ANKS1B: variants seen among roughly 807,000 people sequenced by gnomAD.
The protein encoded by ANKS1B is ankyrin repeat and sterile alpha motif domain-containing protein 1B.
Under a neutral mutation model 148.3 loss-of-function variants are expected in ANKS1B, and 36 were observed. The observed-to-expected ratio is 0.24, with a 90% CI of 0.19 to 0.32. ANKS1B has a LOEUF of 0.32. Among genes scored for constraint, ANKS1B ranks in the 10% least tolerant of loss-of-function variants. The pLI is 1.00. For missense variants in ANKS1B, 1,157 were observed against 1,542.6 expected (o/e 0.75, Z 4.19); for synonymous variants, 542 against 560.8 (o/e 0.97, Z 0.47).
At position 98,795,176 on chromosome 12, in the gene ANKS1B, T is replaced by G. The variant is rs543496169; in HGVS notation, c.3342+3758A>C. ...AATTCATGGCTAGTGATGTATAAAATAAAATATTCTTTGCAGTAAAATATT... is the reference window on the plus strand; with the variant it reads ...AATTCATGGCTAGTGATGTATAAAAGAAAATATTCTTTGCAGTAAAATATT... On this transcript the variant is annotated intron_variant, in intron 22 of 26. Transcript: ENST00000683438. Among the ~76,000 whole-genome samples, 3 of 152,346 alleles carry G rather than the reference T, an allele frequency of 2.0e-5. No individual in the cohort carries two copies. The South Asian group carries it at 6.2e-4, about 32-fold the overall frequency.
At chr12:99,863,929 C>T (rs554250378) in intron 1 of ANKS1B, among the ~76,000 whole-genome samples, 3 of 151,804 alleles carry the variant, frequency 2.0e-5, no homozygotes, top group East Asian at 1.9e-4. Flanking sequence ...ATTAGCTGGG[C>T]GTGGTGGCAC....
chr12:99,552,858 A>T (rs1317187306), intron 9 of ANKS1B, among the ~76,000 whole-genome samples: 1 of 152,188 alleles, frequency 6.6e-6, no homozygotes, highest in Non-Finnish European at 1.5e-5. Context: ...TACAATGTAA[A>T]TGCCATGTAA....
intron 15 of ANKS1B, among the ~76,000 whole-genome samples, chr12:99,132,461 C>G (rs774127554): frequency 6.7e-6 from 1 of 149,786 alleles, no homozygotes; most frequent in Admixed American, 6.7e-5. Context: ...GACAACATAG[C>G]GAGACCTTGT....
intron 14 of ANKS1B, among the ~76,000 whole-genome samples, chr12:99,159,396 A>G (rs2076407341): frequency 6.6e-6 from 1 of 152,132 alleles, no homozygotes; most frequent in Non-Finnish European, 1.5e-5. Context: ...CTACTCCAGT[A>G]GTCCCCACTT....
chr12:99,571,999 C>T (rs942561800), intron 9 of ANKS1B, among the ~76,000 whole-genome samples: 16 of 151,928 alleles, frequency 1.1e-4, no homozygotes, highest in African/African-American at 3.9e-4. Context: ...CTATAGGAAA[C>T]ATGACAGGTT....
At chr12:99,787,515 C>G (rs1283937771) in intron 4 of ANKS1B, among the ~76,000 whole-genome samples, 2 of 152,098 alleles carry the variant, frequency 1.3e-5, no homozygotes, top group Non-Finnish European at 2.9e-5. Context: ...GGAGAACAGA[C>G]TAATACAATA....
chr12:98,934,833 A>G (rs553695739), intron 17 of ANKS1B, among the ~76,000 whole-genome samples: 1 of 151,738 alleles, frequency 6.6e-6, no homozygotes, highest in East Asian at 1.9e-4. Flanking sequence ...ATATATACCA[A>G]CTTTACTGAA....
intron 9 of ANKS1B, among the ~76,000 whole-genome samples, chr12:99,566,557 C>A (rs1294452516): frequency 6.6e-6 from 1 of 152,090 alleles, no homozygotes; most frequent in Non-Finnish European, 1.5e-5. Context: ...TCCTTAAATT[C>A]ATGTGTTGAT....
intron 17 of ANKS1B, among the ~76,000 whole-genome samples, chr12:98,929,598 A>C (rs747148954): frequency 6.6e-5 from 10 of 152,102 alleles, no homozygotes; most frequent in Non-Finnish European, 1.3e-4. Flanking sequence ...GAGACATATA[A>C]ATCAATGAAA....
In ANKS1B at chr12:99,806,549, C is replaced by G. The variant is rs781500367; in HGVS notation, c.524G>C (p.Arg175Thr). The G allele has an allele frequency of 6.2e-6, 10 of 1,613,928 alleles. No homozygotes were observed. In the South Asian group the frequency reaches 7.7e-5, roughly 12 times the overall value. ...TGCACTGATGATCATTTTTACCACT[C>G]TAAGCCGTCCGTAGAGTGCCGCCAA... ...LDLAALYGRLRVVKMIISAHP... is the reference protein window; with the variant it reads ...LDLAALYGRLTVVKMIISAHP... The change falls in exon 4 of 27, where the codon AGA becomes ACA. Residue 175 changes from arginine (R) to threonine (T), a missense_variant. By Grantham distance (71) the Arg-to-Thr change is moderately conservative. Around this residue, in one of 6 missense-constraint regions of ANKS1B, gnomAD observed 164 missense variants for 232.6 expected, o/e 0.71. Coordinates refer to ENST00000683438, the MANE Select transcript of ANKS1B (RefSeq NM_001352186.2).
intron 12 of ANKS1B, among the ~76,000 whole-genome samples, chr12:99,321,722 C>A (rs1207356313): frequency 6.6e-6 from 1 of 152,216 alleles, no homozygotes; most frequent in African/African-American, 2.4e-5. Context: ...CTGAGATGAA[C>A]CCAGTGCCTC....
At chr12:99,629,270 T>C (rs2098136433) in intron 9 of ANKS1B, among the ~76,000 whole-genome samples, 1 of 152,162 alleles carries the variant, frequency 6.6e-6, no homozygotes, top group Non-Finnish European at 1.5e-5. Context: ...CTAGCATAGG[T>C]TGTTGGCTGA....
At chr12:99,321,691 C>T (rs2085306387) in intron 12 of ANKS1B, among the ~76,000 whole-genome samples, 3 of 152,188 alleles carry the variant, frequency 2.0e-5, no homozygotes, top group Admixed American at 6.5e-5. Context: ...GTGGGCTGCA[C>T]CCACTGTCCG....
At chr12:98,980,697 TAA>T (rs2099908691) in intron 17 of ANKS1B, among the ~76,000 whole-genome samples, 2 of 152,326 alleles carry the variant, frequency 1.3e-5, no homozygotes, top group South Asian at 4.1e-4. Context: ...TAAAAAATAT[TAA>T]TTTTGGTTTT....
chr12:99,800,855 T>G (rs1261365485), intron 4 of ANKS1B, among the ~76,000 whole-genome samples: 1 of 152,028 alleles, frequency 6.6e-6, no homozygotes, highest in Non-Finnish European at 1.5e-5. Context: ...AATTGTCAGA[T>G]AAAGATGATA....
At chr12:99,508,843 G>A (rs903684726) in intron 9 of ANKS1B, among the ~76,000 whole-genome samples, 1 of 151,608 alleles carries the variant, frequency 6.6e-6, no homozygotes, top group African/African-American at 2.4e-5. Context: ...TCTAGTACAG[G>A]CATACCTCAA....
At chr12:99,892,542 A>G (rs2093168933) in intron 1 of ANKS1B, among the ~76,000 whole-genome samples, 1 of 152,220 alleles carries the variant, frequency 6.6e-6, no homozygotes, top group Non-Finnish European at 1.5e-5. Context: ...AAAAGCCAAG[A>G]AAACAACCTG....
At chr12:99,389,014 G>T (rs1297455320) in intron 12 of ANKS1B, among the ~76,000 whole-genome samples, 1 of 152,066 alleles carries the variant, frequency 6.6e-6, no homozygotes, top group Non-Finnish European at 1.5e-5. Context: ...CTAGTAGCAA[G>T]TTATGGGCCT....
At chr12:98,873,497 A>C (rs978399146) in intron 17 of ANKS1B, among the ~76,000 whole-genome samples, 1 of 152,236 alleles carries the variant, frequency 6.6e-6, no homozygotes, top group Non-Finnish European at 1.5e-5. Flanking sequence ...AATCTGCAAA[A>C]AGAAAAGTGT....
Sources: allele counts gnomAD v4.1 joint callset (sites outside exome capture counted in the v4.1 genomes callset), GRCh38; gene constraint gnomAD v4.1.1; regional missense constraint gnomAD v4.1.1; transcripts MANE v1.5; gene names NCBI Gene and HGNC (gene_info 2026-07-23, HGNC 2026-07-21).